SLCO1B3: variants seen among roughly 807,000 people sequenced by gnomAD.
SLCO1B3 encodes solute carrier organic anion transporter family member 1B3.
In SLCO1B3, 72 loss-of-function variants were observed where a neutral mutation model predicts 71.8. The ratio of observed to expected loss-of-function variants is 1.00; its 90% confidence interval spans 0.83 to 1.22. The LOEUF (loss-of-function observed/expected upper bound fraction) is 1.22, where lower values mean the gene tolerates loss of function less well. Among genes scored for constraint, SLCO1B3 ranks in the 50% most tolerant of loss-of-function variants. The pLI is 0.00. For missense variants in SLCO1B3, 911 were observed against 819.7 expected (o/e 1.11, Z -1.36); for synonymous variants, 298 against 278.4 (o/e 1.07, Z -0.70).
intron 3 of SLCO1B3, among the ~76,000 whole-genome samples, chr12:20,831,719 T>A (rs1864546138): frequency 6.6e-6 from 1 of 152,180 alleles, no homozygotes; most frequent in South Asian, 2.1e-4. Flanking sequence ...AAAAATCTTA[T>A]TAATTTTGAA....
At chr12:20,880,808 A>C in intron 11 of SLCO1B3, 47 bp from the exon 12 acceptor site, 2 of 1,347,482 alleles carry the variant, frequency 1.5e-6, no homozygotes, top group Non-Finnish European at 2.0e-6. Flanking sequence ...CTCTTTCTCT[A>C]CTTCCTCTTT....
intron 5 of SLCO1B3, 152 bp downstream of exon 5, chr12:20,858,723 G>C (rs548528073): frequency 7.4e-5 from 45 of 607,302 alleles, no homozygotes; most frequent in Non-Finnish European, 1.1e-4. Flanking sequence ...CTATATAATA[G>C]TTCATGTATT....
At chr12:20,811,177 A>C (rs1006640575) in intron 1 of SLCO1B3, among the ~76,000 whole-genome samples, 51 of 152,182 alleles carry the variant, frequency 3.4e-4, no homozygotes, top group Admixed American at 1.6e-3. Flanking sequence ...CTGGATAAGT[A>C]GGAGTGGGCG....
chr12:20,818,505 G>T (rs994853098), intron 3 of SLCO1B3, among the ~76,000 whole-genome samples: 2 of 152,132 alleles, frequency 1.3e-5, no homozygotes, highest in Non-Finnish European at 2.9e-5. Context: ...TGGGACTCGG[G>T]GTATGTTGAG....
chr12:20,860,100 C>T (rs10841677), intron 5 of SLCO1B3, among the ~76,000 whole-genome samples: 109,697 of 151,578 alleles, frequency 0.72, 42,242 homozygotes, highest in South Asian at 0.88. Context: ...GGACTACAGG[C>T]GCCTGCCACC....
At chr12:20,816,688 A>AT (rs1289779443) in intron 3 of SLCO1B3, among the ~76,000 whole-genome samples, 1 of 152,200 alleles carries the variant, frequency 6.6e-6, no homozygotes, top group Non-Finnish European at 1.5e-5. Flanking sequence ...AGATATACGA[A>AT]TTCGCTTTCT....
chr12:20,814,814 G>A (rs1022491498), intron 2 of SLCO1B3, among the ~76,000 whole-genome samples: 5 of 151,762 alleles, frequency 3.3e-5, no homozygotes, highest in African/African-American at 9.7e-5. Flanking sequence ...GGAGAATGGC[G>A]TGAACCTGGG....
At chr12:20,845,160 G>A (rs545375232) in intron 3 of SLCO1B3, 6 of 466,012 alleles carry the variant, frequency 1.3e-5, no homozygotes, top group African/African-American at 8.2e-5. Context: ...TCACCGGGCT[G>A]ATTGTGACCC....
chr12:20,866,525 T>G (rs1004433138), intron 8 of SLCO1B3, among the ~76,000 whole-genome samples: 1 of 152,078 alleles, frequency 6.6e-6, no homozygotes, highest in African/African-American at 2.4e-5. Context: ...AGTGAATGAT[T>G]TAAAGCTGGA....
chr12:20,901,053 A>C (rs978491264), intron 14 of SLCO1B3, among the ~76,000 whole-genome samples: 1 of 152,168 alleles, frequency 6.6e-6, no homozygotes, highest in Non-Finnish European at 1.5e-5. Flanking sequence ...TTTACCAATC[A>C]GACTTAAGTT....
At chr12:20,819,264 C>T (rs553983285) in intron 3 of SLCO1B3, among the ~76,000 whole-genome samples, 5 of 152,140 alleles carry the variant, frequency 3.3e-5, no homozygotes, top group Middle Eastern at 3.4e-3. Flanking sequence ...GGAGATTAAT[C>T]GGACACGATC....
chr12:20,830,814 C>T (rs1057447879), intron 3 of SLCO1B3, among the ~76,000 whole-genome samples: 3 of 152,126 alleles, frequency 2.0e-5, no homozygotes, highest in Admixed American at 2.0e-4. Flanking sequence ...AGCAGAATGG[C>T]AATCATAAGG....
At chr12:20,850,256 T>TCTTA in intron 3 of SLCO1B3, among the ~76,000 whole-genome samples, 1 of 143,058 alleles carries the variant, frequency 7.0e-6, no homozygotes, top group Admixed American at 7.0e-5. Flanking sequence ...ATTATTATTA[T>TCTTA]TTTATTTATT....
At position 20,868,742 on chromosome 12, in the gene SLCO1B3, G is replaced by A. The variant is rs542307465; in HGVS notation, c.727+5888G>A. On this transcript the variant is annotated intron_variant, in intron 8 of 15. Coordinates refer to ENST00000381545, the MANE Select transcript of SLCO1B3 (RefSeq NM_019844.4). ...AGACTGGTAGTGGCCCCGAATGTCT[G>A]GCTGTGCTGTTATTTATTGGATACA... Among the ~76,000 whole-genome samples, 290 of 152,146 alleles carry A rather than the reference G, an allele frequency of 1.9e-3. 1 individual carries two copies. Among genetic ancestry groups the A allele is most frequent in the African/African-American group, 6.9e-3 (285 of 41,530 alleles).
At chr12:20,864,194 C>A (rs987402986) in intron 8 of SLCO1B3, among the ~76,000 whole-genome samples, 2 of 152,060 alleles carry the variant, frequency 1.3e-5, no homozygotes, top group African/African-American at 4.8e-5. Context: ...TCTCATGTAA[C>A]CCTTACTTCA....
chr12:20,857,021 A>C (rs1158333150), intron 4 of SLCO1B3, among the ~76,000 whole-genome samples: 3 of 152,160 alleles, frequency 2.0e-5, no homozygotes, highest in Non-Finnish European at 4.4e-5. Context: ...TGCCTGTTGG[A>C]ATATTTATTT....
chr12:20,916,819 A>G lies in SLCO1B3; in HGVS notation c.*572A>G, dbSNP rs147670653. The G allele has an allele frequency of 1.8e-3, 269 of 152,266 alleles. No individual in the cohort carries two copies. The highest frequency in any genetic ancestry group is 6.4e-3 in the African/African-American group (265 of 41,564). The allele number at this position is 152,266 out of a possible 1,614,324, so 9.4% of individuals were successfully genotyped here. On this transcript the variant is annotated 3_prime_UTR_variant, in exon 16 of 16. Transcript: ENST00000381545. ...AAATATTCAAATATTGCAAGGTGTA[A>G]TTGTGAGACAACTTATTATAATACG...
intron 15 of SLCO1B3, among the ~76,000 whole-genome samples, chr12:20,910,781 CTT>C (rs1352745535): frequency 6.6e-6 from 1 of 152,038 alleles, no homozygotes; most frequent in Non-Finnish European, 1.5e-5. Flanking sequence ...TATAGGAAAA[CTT>C]TTCACTTTGG....
intron 3 of SLCO1B3, among the ~76,000 whole-genome samples, chr12:20,826,202 A>G (rs1864417169): frequency 6.9e-6 from 1 of 145,562 alleles, no homozygotes; most frequent in Non-Finnish European, 1.5e-5. Context: ...TTAGAAGAAA[A>G]CATTTTATTT....
Sources: allele counts gnomAD v4.1 joint callset (sites outside exome capture counted in the v4.1 genomes callset), GRCh38; gene constraint gnomAD v4.1.1; transcripts MANE v1.5; gene names NCBI Gene and HGNC (gene_info 2026-07-23, HGNC 2026-07-21).